Variants in PUM2 observed in about 807,000 individuals in gnomAD.
PUM2 encodes pumilio homolog 2.
A neutral mutation model predicts 124.5 loss-of-function variants in PUM2; 57 were observed. That is an observed-to-expected ratio of 0.46 (90% confidence interval 0.37 to 0.57). The LOEUF is 0.57. Among genes scored for constraint, PUM2 ranks in the 20% least tolerant of loss-of-function variants. The pLI, the probability that PUM2 is intolerant of heterozygous loss-of-function variation, is 0.00. For synonymous variants in PUM2, 460 were observed against 446.1 expected (o/e 1.03, Z -0.39); for missense variants, 1,065 against 1,290.6 (o/e 0.83, Z 2.68).
At chr2:20,255,985 C>A (rs776123209) in intron 17 of PUM2, 48 bp downstream of exon 17, 1 of 1,466,944 alleles carries the variant, frequency 6.8e-7, no homozygotes, top group Admixed American at 2.7e-5. Flanking sequence ...ATTCAAAATT[C>A]TAAAATAATG....
Position 20,318,650 on chromosome 2 carries a change from T to C in PUM2, c.52-5A>G. 2 of 1,597,170 alleles carry C rather than the reference T, an allele frequency of 1.3e-6. No homozygotes were observed. Among genetic ancestry groups the C allele is most frequent in the South Asian group, 1.1e-5 (1 of 90,304 alleles). On this transcript the variant is annotated splice_region_variant and splice_polypyrimidine_tract_variant and intron_variant, in intron 2 of 20. Coordinates refer to ENST00000361078, the MANE Select transcript of PUM2 (RefSeq NM_015317.5). The stretch of plus-strand genomic sequence containing the variant: ...AAACTTTTTGGTAGGCAAAAGCTAT[T>C]TGGAGGAAAAATTACAGTTAAATTT...
intron 9 of PUM2, among the ~76,000 whole-genome samples, chr2:20,291,867 C>T (rs1674188306): frequency 6.6e-6 from 1 of 152,012 alleles, no homozygotes; most frequent in Admixed American, 6.6e-5. Flanking sequence ...CAACGCCAAC[C>T]CAAGCATCCT....
intron 13 of PUM2, among the ~76,000 whole-genome samples, chr2:20,267,335 T>C (rs1667934546): frequency 1.3e-5 from 2 of 152,042 alleles, no homozygotes; most frequent in Admixed American, 6.6e-5. Flanking sequence ...CACTTGCAAC[T>C]TCCTTTCAAA....
At chr2:20,333,308 G>C (rs1685299172) in intron 1 of PUM2, among the ~76,000 whole-genome samples, 1 of 152,062 alleles carries the variant, frequency 6.6e-6, no homozygotes, top group Admixed American at 6.5e-5. Flanking sequence ...GCTATGGTGG[G>C]AGGATCGCTT....
chr2:20,262,856 A>G (rs1022036564), intron 14 of PUM2, among the ~76,000 whole-genome samples: 1 of 152,158 alleles, frequency 6.6e-6, no homozygotes, highest in Non-Finnish European at 1.5e-5. Context: ...GGCATTTAAC[A>G]TTGTTTGCTA....
chr2:20,323,272 C>T lies in PUM2; in HGVS notation c.51+4038G>A, dbSNP rs558507064. 1.8e-4 allele frequency among the ~76,000 whole-genome samples: 27 copies of T among 152,120 alleles called. No individual in the cohort carries two copies. In the South Asian group the frequency reaches 5.2e-3, roughly 29 times the overall value. On this transcript the variant is annotated intron_variant, in intron 2 of 20. Coordinates refer to ENST00000361078, the MANE Select transcript of PUM2 (RefSeq NM_015317.5). ...GATCATCCTGGCTAACACTGTGAAACTCTGTCTCTACTAAAAATACAAAAA... is the reference window on the plus strand; with the variant it reads ...GATCATCCTGGCTAACACTGTGAAATTCTGTCTCTACTAAAAATACAAAAA...
chr2:20,307,040 C>A (rs937308088), intron 7 of PUM2, among the ~76,000 whole-genome samples: 16 of 151,764 alleles, frequency 1.1e-4, no homozygotes, highest in African/African-American at 3.9e-4. Flanking sequence ...CATGGTAAAA[C>A]CCCCGTCTCT....
intron 13 of PUM2, 22 bp from the exon 14 acceptor site, chr2:20,263,482 C>A (rs1380954081): frequency 6.4e-7 from 1 of 1,559,702 alleles, no homozygotes; most frequent in South Asian, 1.2e-5. Flanking sequence ...CAGCTATGGT[C>A]AGCAAGTATT....
At chr2:20,299,944 A>G (rs1359111896) in intron 7 of PUM2, among the ~76,000 whole-genome samples, 1 of 152,218 alleles carries the variant, frequency 6.6e-6, no homozygotes, top group Non-Finnish European at 1.5e-5. Flanking sequence ...TGGGATCAAT[A>G]GAAAGGAAAT....
At chr2:20,316,012 T>C (rs1347079780) in intron 3 of PUM2, among the ~76,000 whole-genome samples, 2 of 152,134 alleles carry the variant, frequency 1.3e-5, no homozygotes, top group East Asian at 3.9e-4. Context: ...GGAAGATGTA[T>C]CCCAGTCCAA....
chr2:20,315,589 C>T (rs761705897), intron 3 of PUM2, among the ~76,000 whole-genome samples: 1 of 151,996 alleles, frequency 6.6e-6, no homozygotes, highest in African/African-American at 2.4e-5. Context: ...ATAAATTTCA[C>T]GGTTTCTCTA....
intron 8 of PUM2, among the ~76,000 whole-genome samples, chr2:20,295,080 C>T (rs111564575): frequency 5.9e-5 from 9 of 152,070 alleles, no homozygotes; most frequent in South Asian, 2.1e-4. Context: ...ACAAATGAGA[C>T]GTCAGCATTT....
chr2:20,294,910 T>C (rs1675154514), intron 8 of PUM2, among the ~76,000 whole-genome samples: 1 of 152,228 alleles, frequency 6.6e-6, no homozygotes, highest in Admixed American at 6.5e-5. Flanking sequence ...GATTACAAGA[T>C]ACTTTTAAAA....
chr2:20,342,742 G>A, intron 1 of PUM2, among the ~76,000 whole-genome samples: 1 of 152,152 alleles, frequency 6.6e-6, no homozygotes, highest in East Asian at 1.9e-4. Flanking sequence ...GAATCATTTA[G>A]GTGATTAGCA....
chr2:20,283,437 T>TA lies in PUM2; in HGVS notation c.1340dup (p.Leu447PhefsTer26). ...CAGTCCTTGCTCCAGGGCCAACCAC[T>TA]AAGGCACCAGTCTGATCATAATAGG... On this transcript the variant is annotated frameshift_variant, in exon 11 of 21. Coordinates refer to ENST00000361078, the MANE Select transcript of PUM2 (RefSeq NM_015317.5). LOFTEE classifies it high-confidence loss of function. 6.2e-7 allele frequency: 1 copy of TA among 1,613,976 alleles called. No individual in the cohort carries two copies. The highest frequency in any genetic ancestry group is 8.5e-7 in the Non-Finnish European group (1 of 1,179,910).
rs773682519 is a variant in PUM2 at position 20,251,724 on chromosome 2, A to G, written c.3064-8T>C. ...AGTAATGTGAGGTCGAATCTGAAAA[A>G]CAAATAATCTGCTTAGAAAATCTAA... is the stretch of plus-strand genomic sequence containing the variant. On this transcript the variant is annotated splice_polypyrimidine_tract_variant and splice_region_variant and intron_variant, in intron 20 of 20. Coordinates refer to ENST00000361078, the MANE Select transcript of PUM2 (RefSeq NM_015317.5). 91 of 1,611,542 alleles carry G rather than the reference A, an allele frequency of 5.6e-5. 1 individual carries two copies. In the Admixed American group the frequency reaches 1.5e-3, roughly 26 times the overall value.
chr2:20,344,398 T>C (rs1687814814), intron 1 of PUM2, among the ~76,000 whole-genome samples: 1 of 152,136 alleles, frequency 6.6e-6, no homozygotes, highest in Non-Finnish European at 1.5e-5. Context: ...AATACCTAAC[T>C]CCTAATATAA....
chr2:20,279,303 GT>G (rs1245640321), intron 12 of PUM2, among the ~76,000 whole-genome samples: 34 of 152,124 alleles, frequency 2.2e-4, no homozygotes, highest in Admixed American at 2.2e-3. Flanking sequence ...TCATCTAGCT[GT>G]GTTCAAAACA....
intron 12 of PUM2, 94 bp from the exon 13 acceptor site, chr2:20,278,913 C>A: frequency 3.5e-6 from 3 of 864,532 alleles, no homozygotes; most frequent in South Asian, 1.6e-5. Context: ...GAAGTGATCA[C>A]AATAATTATT....
Sources: allele counts gnomAD v4.1 joint callset (sites outside exome capture counted in the v4.1 genomes callset), GRCh38; gene constraint gnomAD v4.1.1; transcripts MANE v1.5; gene names NCBI Gene and HGNC (gene_info 2026-07-23, HGNC 2026-07-21).